The following CSMD1 variants were observed in gnomAD, a reference collection of about 807,000 sequenced individuals.
CSMD1 encodes the protein CUB and sushi domain-containing protein 1.
In CSMD1, 213 loss-of-function variants were observed where a neutral mutation model predicts 417.5. The observed-to-expected ratio is 0.51, with a 90% CI of 0.46 to 0.57. CSMD1 has a LOEUF of 0.57. Ranked by LOEUF, CSMD1 falls within the 20% of genes least tolerant of loss-of-function variation. CSMD1 has a pLI of 0.00. For synonymous variants in CSMD1, 2,862 were observed against 1,736.8 expected (o/e 1.65, Z -16.11); for missense variants, 6,923 against 4,529.7 (o/e 1.53, Z -15.17).
intron 3 of CSMD1, among the ~76,000 whole-genome samples, chr8:4,409,259 C>T (rs917930123): frequency 3.3e-5 from 5 of 152,098 alleles, no homozygotes; most frequent in African/African-American, 1.2e-4. Flanking sequence ...TACATACTTC[C>T]TACTTATTTC....
At chr8:4,210,490 G>C (rs1307141165) in intron 3 of CSMD1, among the ~76,000 whole-genome samples, 1 of 152,008 alleles carries the variant, frequency 6.6e-6, no homozygotes, top group African/African-American at 2.4e-5. Flanking sequence ...CAATAATTCA[G>C]GAAAATTTTC....
At chr8:4,250,335 T>G in intron 3 of CSMD1, among the ~76,000 whole-genome samples, 1 of 152,082 alleles carries the variant, frequency 6.6e-6, no homozygotes. Flanking sequence ...GTGCAAGCTA[T>G]GAAGACAGAA....
intron 3 of CSMD1, among the ~76,000 whole-genome samples, chr8:4,220,470 A>G (rs540414740): frequency 1.3e-5 from 2 of 152,346 alleles, no homozygotes; most frequent in African/African-American, 4.8e-5. Context: ...GACCTCATGC[A>G]TTAATTTTAA....
intron 12 of CSMD1, among the ~76,000 whole-genome samples, chr8:3,445,174 C>T (rs1006893475): frequency 6.6e-6 from 1 of 152,184 alleles, no homozygotes; most frequent in Admixed American, 6.5e-5. Context: ...TAACACAGTA[C>T]ACTTTTAATA....
intron 5 of CSMD1, among the ~76,000 whole-genome samples, chr8:3,806,788 A>T (rs1375080116): frequency 6.6e-6 from 1 of 152,218 alleles, no homozygotes; most frequent in Non-Finnish European, 1.5e-5. Context: ...TTTAGCTACT[A>T]AATACTAGGT....
intron 3 of CSMD1, among the ~76,000 whole-genome samples, chr8:4,130,037 C>A (rs974800911): frequency 1.3e-5 from 2 of 152,032 alleles, no homozygotes; most frequent in East Asian, 3.9e-4. Flanking sequence ...TTATGGCAGT[C>A]TGCTTATATT....
At chr8:4,454,565 A>T (rs1799355281) in intron 2 of CSMD1, among the ~76,000 whole-genome samples, 2 of 152,226 alleles carry the variant, frequency 1.3e-5, no homozygotes, top group African/African-American at 4.8e-5. Context: ...TGCACAGAGT[A>T]GACCCAATGC....
intron 54 of CSMD1, among the ~76,000 whole-genome samples, chr8:2,991,911 A>T (rs1012995129): frequency 1.3e-5 from 2 of 152,212 alleles, no homozygotes; most frequent in African/African-American, 2.4e-5. Context: ...TAAGAAGGTG[A>T]CTACACAGCG....
chr8:3,168,980 A>G (rs57580235), intron 37 of CSMD1, among the ~76,000 whole-genome samples: 5,986 of 152,058 alleles, frequency 0.039, 421 homozygotes, highest in African/African-American at 0.14. Flanking sequence ...GTGCAGAGAA[A>G]CTCTGCAGTG....
intron 10 of CSMD1, among the ~76,000 whole-genome samples, chr8:3,533,722 G>C (rs141327277): frequency 6.2e-4 from 94 of 152,214 alleles, no homozygotes; most frequent in African/African-American, 2.0e-3. Flanking sequence ...TATCATCCTG[G>C]AACTCAGTAC....
In CSMD1 at chr8:3,135,594, ACCGGC is replaced by A. The variant is rs1419728891; in HGVS notation, c.6241+6866_6241+6870del. ...GCTGATCACATTTCTGACTCTGTGA[ACCGGC>A]TTCTTCCCCTTTAAAACACGCTCTT... is the stretch of plus-strand genomic sequence containing the variant. On this transcript the variant is annotated intron_variant, in intron 41 of 69. Coordinates refer to ENST00000635120, the MANE Select transcript of CSMD1 (RefSeq NM_033225.6). Among the ~76,000 whole-genome samples, 26 of 140,368 alleles carry A rather than the reference ACCGGC, an allele frequency of 1.9e-4. No individual in the cohort carries two copies. The South Asian group carries it at 3.1e-3, about 16-fold the overall frequency. 92.1% of individuals were successfully genotyped at this position (140,368 alleles called of 152,430 possible).
At chr8:3,695,516 G>A (rs956958748) in intron 7 of CSMD1, among the ~76,000 whole-genome samples, 2 of 152,068 alleles carry the variant, frequency 1.3e-5, no homozygotes, top group Non-Finnish European at 2.9e-5. Context: ...CACAGATACA[G>A]AAGAGAACAA....
chr8:3,575,956 A>T (rs1800134604), intron 9 of CSMD1, among the ~76,000 whole-genome samples: 1 of 152,096 alleles, frequency 6.6e-6, no homozygotes, highest in Non-Finnish European at 1.5e-5. Context: ...GAAGAAACTA[A>T]TTTCACAAGA....
At chr8:4,373,177 G>A (rs775740568) in intron 3 of CSMD1, among the ~76,000 whole-genome samples, 7 of 152,118 alleles carry the variant, frequency 4.6e-5, no homozygotes, top group South Asian at 2.1e-4. Flanking sequence ...CCCTTGACCG[G>A]TGCTGCTCCA....
At chr8:3,827,735 C>G (rs1316209236) in intron 5 of CSMD1, among the ~76,000 whole-genome samples, 2 of 152,180 alleles carry the variant, frequency 1.3e-5, no homozygotes, top group Non-Finnish European at 2.9e-5. Context: ...CCTCATTGTA[C>G]TTCTTCACTA....
In CSMD1 at chr8:3,047,251, T is replaced by C. The variant is rs549359497; in HGVS notation, c.7660+5211A>G. ...AAAAAAAAAAAAAGAGTTGCTCTGA[T>C]TTTCCTCCTATTTTGCCAGGCCAAG... On this transcript the variant is annotated intron_variant, in intron 50 of 69. Transcript: ENST00000635120. Among the ~76,000 whole-genome samples the C allele has an allele frequency of 3.0e-3, 449 of 150,552 alleles. 1 individual carries two copies. Among genetic ancestry groups the C allele is most frequent in the African/African-American group, 0.01 (426 of 41,114 alleles).
At chr8:3,302,567 A>T (rs1247696168) in intron 25 of CSMD1, among the ~76,000 whole-genome samples, 1 of 152,180 alleles carries the variant, frequency 6.6e-6, no homozygotes, top group Non-Finnish European at 1.5e-5. Flanking sequence ...GTTTTTTAAG[A>T]CATCAAGTGC....
intron 7 of CSMD1, among the ~76,000 whole-genome samples, chr8:3,682,613 C>G (rs1017341093): frequency 2.6e-5 from 4 of 152,178 alleles, no homozygotes; most frequent in Admixed American, 2.0e-4. Context: ...ACTAGTTCAA[C>G]CATTGTGGAA....
intron 3 of CSMD1, among the ~76,000 whole-genome samples, chr8:4,188,837 A>C (rs1798843394): frequency 1.3e-5 from 2 of 150,620 alleles, no homozygotes; most frequent in South Asian, 2.1e-4. Flanking sequence ...AGGGATATTA[A>C]AAAAAAAAAC....
Sources: allele counts gnomAD v4.1 joint callset (sites outside exome capture counted in the v4.1 genomes callset), GRCh38; gene constraint gnomAD v4.1.1; transcripts MANE v1.5; gene names NCBI Gene and HGNC (gene_info 2026-07-23, HGNC 2026-07-21).